RGS6: variants seen among roughly 807,000 people sequenced by gnomAD.
RGS6 encodes regulator of G-protein signaling 6.
Under a neutral mutation model 78.5 loss-of-function variants are expected in RGS6, and 30 were observed. The ratio of observed to expected loss-of-function variants is 0.38; its 90% CI spans 0.29 to 0.52. RGS6 has a LOEUF of 0.52. RGS6 is among the 20% of genes least tolerant of loss of function. The pLI is 0.85. For missense variants in RGS6, 495 were observed against 609.7 expected (o/e 0.81, Z 1.98); for synonymous variants, 206 against 206.0 (o/e 1.00, Z 0.00).
At chr14:72,557,315 T>G (rs2097593734) in intron 17 of RGS6, among the ~76,000 whole-genome samples, 1 of 152,248 alleles carries the variant, frequency 6.6e-6, no homozygotes, top group South Asian at 2.1e-4. Flanking sequence ...GACTGCACTC[T>G]CTCTCCCCAG....
At chr14:72,027,905 ACT>A (rs1179180911) in intron 2 of RGS6, among the ~76,000 whole-genome samples, 1 of 151,676 alleles carries the variant, frequency 6.6e-6, no homozygotes. Context: ...AGATGACTTG[ACT>A]CTCTGATGTT....
At chr14:72,619,186 T>C in the RGS6 span, 2 of 1,106,804 alleles carry the variant, frequency 1.8e-6, no homozygotes, top group Non-Finnish European at 2.6e-6. Flanking sequence ...GGACTATTTC[T>C]TTTCCTTGCA....
At chr14:72,505,311 G>A (rs1361021671) in intron 13 of RGS6, among the ~76,000 whole-genome samples, 1 of 152,158 alleles carries the variant, frequency 6.6e-6, no homozygotes, top group African/African-American at 2.4e-5. Context: ...TCAGAGTGCT[G>A]GCAAATTCAA....
intron 2 of RGS6, among the ~76,000 whole-genome samples, chr14:72,084,559 C>T (rs2094948742): frequency 6.6e-6 from 1 of 152,232 alleles, no homozygotes; most frequent in Admixed American, 6.5e-5. Flanking sequence ...ACAGGTCCTG[C>T]AATTCCCCGT....
chr14:72,211,726 T>C (rs1307454150), intron 2 of RGS6, among the ~76,000 whole-genome samples: 2 of 152,088 alleles, frequency 1.3e-5, no homozygotes, highest in Admixed American at 6.6e-5. Context: ...AACTGCAAAA[T>C]ACCCTATTTT....
chr14:72,040,140 T>C (rs935364697), intron 2 of RGS6, among the ~76,000 whole-genome samples: 2 of 152,296 alleles, frequency 1.3e-5, no homozygotes, highest in South Asian at 4.1e-4. Flanking sequence ...ATCTTTTAAA[T>C]TCTATACCAG....
intron 2 of RGS6, among the ~76,000 whole-genome samples, chr14:72,280,204 G>A (rs2061354950): frequency 6.6e-6 from 1 of 152,010 alleles, no homozygotes; most frequent in South Asian, 2.1e-4. Context: ...GGGAGCTGAG[G>A]GCAGTGGATA....
intron 3 of RGS6, among the ~76,000 whole-genome samples, chr14:72,383,201 T>TATATATATAC (rs2086741698): frequency 8.4e-6 from 1 of 118,962 alleles, no homozygotes; most frequent in Non-Finnish European, 1.7e-5. Context: ...TATATATATA[T>TATATATATAC]ATATATATAT....
intron 17 of RGS6, among the ~76,000 whole-genome samples, chr14:72,556,648 G>A (rs912271835): frequency 9.1e-6 from 1 of 109,816 alleles, no homozygotes; most frequent in Non-Finnish European, 1.7e-5. Context: ...CACAGCCTGA[G>A]TCTTTATACC....
At chr14:72,614,061 C>CA in the RGS6 span, among the ~76,000 whole-genome samples, 1 of 152,188 alleles carries the variant, frequency 6.6e-6, no homozygotes, top group African/African-American at 2.4e-5. Context: ...CAAGACCCAC[C>CA]ACCAGCTGCC....
At chr14:72,203,766 G>C (rs953769794) in intron 2 of RGS6, among the ~76,000 whole-genome samples, 2 of 151,164 alleles carry the variant, frequency 1.3e-5, no homozygotes, top group Non-Finnish European at 2.9e-5. Flanking sequence ...AAAGATTTTT[G>C]TGTGAGTGAT....
chr14:72,280,251 A>G (rs2061359916), intron 2 of RGS6, among the ~76,000 whole-genome samples: 1 of 152,110 alleles, frequency 6.6e-6, no homozygotes, highest in Non-Finnish European at 1.5e-5. Flanking sequence ...TACCATAAGC[A>G]TCAGAAAAAG....
At chr14:72,380,580 A>G (rs1303677945) in intron 3 of RGS6, among the ~76,000 whole-genome samples, 1 of 152,172 alleles carries the variant, frequency 6.6e-6, no homozygotes, top group East Asian at 1.9e-4. Context: ...AGTGTTCAAC[A>G]TCATGAATCA....
intron 13 of RGS6, among the ~76,000 whole-genome samples, chr14:72,502,772 A>T (rs2096745405): frequency 9.5e-6 from 1 of 105,538 alleles, no homozygotes; most frequent in South Asian, 3.1e-4. Flanking sequence ...TCAAGAAAAG[A>T]AAGGAAAAGA....
chr14:72,256,773 T>C (rs2057168569), intron 2 of RGS6, among the ~76,000 whole-genome samples: 1 of 152,226 alleles, frequency 6.6e-6, no homozygotes, highest in African/African-American at 2.4e-5. Flanking sequence ...TTTTGCTGAC[T>C]AGCTTTCTGT....
chr14:72,390,427 G>A (rs2089645992), intron 3 of RGS6, among the ~76,000 whole-genome samples: 1 of 151,930 alleles, frequency 6.6e-6, no homozygotes, highest in Non-Finnish European at 1.5e-5. Flanking sequence ...GGAAAGCAAA[G>A]CTTTTCACAT....
intron 2 of RGS6, among the ~76,000 whole-genome samples, chr14:72,026,388 C>T (rs1055255508): frequency 6.6e-6 from 1 of 152,022 alleles, no homozygotes; most frequent in African/African-American, 2.4e-5. Context: ...GCCTGGGTGA[C>T]AGACAGAGAC....
At chr14:72,397,661 A>G (rs113236656) in intron 3 of RGS6, among the ~76,000 whole-genome samples, 1 of 152,178 alleles carries the variant, frequency 6.6e-6, no homozygotes, top group African/African-American at 2.4e-5. Flanking sequence ...GTTTTTGTCC[A>G]TTCAGTATGA....
intron 2 of RGS6, among the ~76,000 whole-genome samples, chr14:72,067,694 TAAAA>T (rs1355427406): frequency 1.3e-5 from 2 of 152,182 alleles, no homozygotes; most frequent in African/African-American, 4.8e-5. Flanking sequence ...AAAAATAAAA[TAAAA>T]TAAAGTTTAT....
Sources: gnomAD v4.1 joint callset for allele counts (sites outside exome capture counted in the v4.1 genomes callset) on GRCh38, gnomAD v4.1.1 for gene constraint, MANE v1.5 for transcripts, NCBI Gene and HGNC (gene_info 2026-07-23, HGNC 2026-07-21) for gene names.